The following PDE8B variants were observed in gnomAD, a reference collection of about 807,000 sequenced individuals.
PDE8B encodes the protein phosphodiesterase 8B.
Under a neutral mutation model 101.3 loss-of-function variants are expected in PDE8B, and 26 were observed. That is an observed-to-expected ratio of 0.26 (90% confidence interval 0.19 to 0.36). PDE8B has a LOEUF of 0.36. Among genes scored for constraint, PDE8B ranks in the 10% least tolerant of loss-of-function variants. The pLI is 1.00. For synonymous variants in PDE8B, 424 were observed against 429.3 expected, an observed-to-expected ratio of 0.99 and a Z score of 0.15; for missense variants, 810 against 1,163.1, an observed-to-expected ratio of 0.70 and a Z score of 4.42.
In PDE8B at chr5:77,349,517, A is replaced by G. The variant is rs776921668; in HGVS notation, c.975A>G (p.Ala325=). The change falls in exon 8 of 22, where the codon GCA becomes GCG. Residue 325 remains alanine (A), a synonymous_variant. Coordinates refer to ENST00000264917, the MANE Select transcript of PDE8B (RefSeq NM_003719.5). The stretch of plus-strand genomic sequence containing the variant: ...TGCCCAAAAGCGATAAGAACCGGGC[A>G]GACCTTCTCGACACCATCAATACAT... ...ADLPKSDKNR[A]DLLDTINTCI... The G allele has an allele frequency of 1.9e-6, 3 of 1,614,132 alleles. No individual in the cohort carries two copies. The highest frequency in any genetic ancestry group is 2.7e-5 in the African/African-American group (2 of 74,954).
At chr5:77,311,437 A>G (rs1173406935) in intron 1 of PDE8B, among the ~76,000 whole-genome samples, 6 of 152,202 alleles carry the variant, frequency 3.9e-5, no homozygotes, top group African/African-American at 1.4e-4. Context: ...ACTAAGATGA[A>G]TAATTTATCC....
chr5:77,320,913 A>C (rs6863296), intron 2 of PDE8B, among the ~76,000 whole-genome samples: 24,228 of 152,144 alleles, frequency 0.16, 3,394 homozygotes, highest in African/African-American at 0.38. Flanking sequence ...TGAAGAGGGA[A>C]TGCATTACTT....
At chr5:77,150,751 A>G in the PDE8B span, among the ~76,000 whole-genome samples, 1 of 152,190 alleles carries the variant, frequency 6.6e-6, no homozygotes, top group Non-Finnish European at 1.5e-5. Context: ...CAGGTTATAT[A>G]CTAGCTACTA....
At chr5:77,283,571 G>A (rs1765432469) in intron 1 of PDE8B, among the ~76,000 whole-genome samples, 1 of 152,076 alleles carries the variant, frequency 6.6e-6, no homozygotes, top group Non-Finnish European at 1.5e-5. Context: ...TATATGGTTG[G>A]AATCATACAG....
intron 1 of PDE8B, among the ~76,000 whole-genome samples, chr5:77,278,618 T>C (rs251424): frequency 0.18 from 28,029 of 151,952 alleles, 2,817 homozygotes; most frequent in Non-Finnish European, 0.23. Context: ...TACAGGCACC[T>C]GCCACCACGC....
intron 10 of PDE8B, chr5:77,358,486 G>T: frequency 1.0e-6 from 1 of 976,712 alleles, no homozygotes; most frequent in African/African-American, 1.7e-5. Context: ...GGGACTGTGG[G>T]TTATGCCTCT....
intron 1 of PDE8B, among the ~76,000 whole-genome samples, chr5:77,257,337 T>G (rs913904620): frequency 2.0e-5 from 3 of 152,142 alleles, no homozygotes; most frequent in African/African-American, 7.2e-5. Flanking sequence ...GACATCCACT[T>G]TTAATATAAA....
chr5:77,210,269 G>A (rs1188559191), upstream of PDE8B, among the ~76,000 whole-genome samples: 3 of 152,088 alleles, frequency 2.0e-5, no homozygotes, highest in East Asian at 3.9e-4. The surrounding 1 kb of genome is among the most constrained non-coding windows in gnomAD (Gnocchi z 4.9). Flanking sequence ...AGGAGGAGGG[G>A]AGGGCGCCGA....
chr5:77,400,201 T>C (rs1167574118), intron 10 of PDE8B, 47 bp from the exon 11 acceptor site: 1 of 1,282,436 alleles, frequency 7.8e-7, no homozygotes, highest in South Asian at 1.2e-5. Context: ...GCAAATGGCA[T>C]ATTTAAAATC....
At chr5:77,353,315 G>A (rs775436034) in intron 9 of PDE8B, 31 bp from the exon 10 acceptor site, 37 of 1,171,514 alleles carry the variant, frequency 3.2e-5, no homozygotes, top group African/African-American at 4.5e-5. Flanking sequence ...TCTCATATCT[G>A]ACTCACTAAT....
intron 10 of PDE8B, among the ~76,000 whole-genome samples, chr5:77,379,141 C>T (rs1254880307): frequency 6.6e-6 from 1 of 152,100 alleles, no homozygotes; most frequent in Non-Finnish European, 1.5e-5. Flanking sequence ...AGCCAGTGGG[C>T]ACAAGTACTG....
the PDE8B span, among the ~76,000 whole-genome samples, chr5:77,143,487 A>G: frequency 1.3e-5 from 2 of 152,224 alleles, no homozygotes; most frequent in African/African-American, 2.4e-5. Context: ...TTCTTAATCT[A>G]TAGCCAATAT....
chr5:77,244,421 A>C (rs1479825453), intron 1 of PDE8B, among the ~76,000 whole-genome samples: 1 of 152,286 alleles, frequency 6.6e-6, no homozygotes, highest in South Asian at 2.1e-4. Context: ...GGAAGGAAAG[A>C]GAAATGATCT....
In PDE8B at chr5:77,427,277, GCATTT is replaced by G. The variant is rs993699507; in HGVS notation, c.*729_*733del. 5.2e-5 allele frequency: 8 copies of G among 152,426 alleles called. No individual in the cohort carries two copies. Among genetic ancestry groups the G allele is most frequent in the African/African-American group, 1.9e-4 (8 of 41,376 alleles). 9.4% of individuals were successfully genotyped at this position (152,426 alleles called of 1,614,324 possible). On this transcript the variant is annotated 3_prime_UTR_variant, in exon 22 of 22. Coordinates refer to ENST00000264917, the MANE Select transcript of PDE8B (RefSeq NM_003719.5). ...GTCATCCATGATGAGGGAAAAAGTG[GCATTT>G]CATTTTTGGGGAATCCATGAGCTTC... is the stretch of plus-strand genomic sequence containing the variant.
At chr5:77,214,456 C>T (rs560577551) in intron 1 of PDE8B, among the ~76,000 whole-genome samples, 2 of 152,208 alleles carry the variant, frequency 1.3e-5, no homozygotes, top group African/African-American at 2.4e-5. Flanking sequence ...TAGGTGCTAG[C>T]GATTCAGGAA....
At chr5:77,423,661 A>ATTTTTTTTTTT (rs1797245306) in intron 20 of PDE8B, among the ~76,000 whole-genome samples, 5 of 24,966 alleles carry the variant, frequency 2.0e-4, no homozygotes, top group African/African-American at 6.3e-4. Flanking sequence ...TTTTTTTTTG[A>ATTTTTTTTTTT]GACAGTCTTG....
chr5:77,119,825 C>A, the PDE8B span, among the ~76,000 whole-genome samples: 1 of 151,858 alleles, frequency 6.6e-6, no homozygotes, highest in African/African-American at 2.4e-5. Flanking sequence ...GCCTGGGGAA[C>A]ATAGCAAGAC....
the PDE8B span, among the ~76,000 whole-genome samples, chr5:77,157,960 A>G: frequency 6.6e-6 from 1 of 150,594 alleles, no homozygotes; most frequent in African/African-American, 2.4e-5. Context: ...AGACACTTAC[A>G]TACTAATAGC....
the PDE8B span, among the ~76,000 whole-genome samples, chr5:77,199,513 T>C: frequency 6.6e-6 from 1 of 152,200 alleles, no homozygotes; most frequent in African/African-American, 2.4e-5. Flanking sequence ...TTTATGTTGG[T>C]GATTTCGAAA....
Sources: allele counts gnomAD v4.1 joint callset (sites outside exome capture counted in the v4.1 genomes callset), GRCh38; gene constraint gnomAD v4.1.1; non-coding constraint Gnocchi (gnomAD v3.1); transcripts MANE v1.5; gene names NCBI Gene and HGNC (gene_info 2026-07-23, HGNC 2026-07-21).